PLCE1: variants seen among roughly 807,000 people sequenced by gnomAD.
PLCE1 encodes the protein phospholipase C epsilon 1.
PLCE1 carries 119 observed loss-of-function variants against 242.8 expected under a neutral mutation model. The observed-to-expected ratio is 0.49, with a 90% CI of 0.42 to 0.57. PLCE1 has a LOEUF of 0.57. PLCE1 is among the 20% of genes least tolerant of loss of function. The probability of loss-of-function intolerance (pLI) is 0.00; values close to 1 mark genes in which losing one functional copy is unlikely to be tolerated. For missense variants in PLCE1, 2,441 were observed against 2,788.8 expected, an observed-to-expected ratio of 0.88 and a Z score of 2.81; for synonymous variants, 945 against 1,017.4, an observed-to-expected ratio of 0.93 and a Z score of 1.35.
intron 3 of PLCE1, among the ~76,000 whole-genome samples, chr10:94,141,171 T>C (rs868169695): frequency 6.6e-5 from 10 of 152,344 alleles, no homozygotes; most frequent in Admixed American, 2.0e-4. Flanking sequence ...AAACCTGTTT[T>C]AGGACCACAG....
intron 2 of PLCE1, among the ~76,000 whole-genome samples, chr10:94,121,451 G>A (rs1034885346): frequency 2.0e-5 from 3 of 152,180 alleles, no homozygotes; most frequent in African/African-American, 4.8e-5. Flanking sequence ...GCTTTTGGGG[G>A]TAGGAAGTTA....
chr10:94,231,954 G>A (rs1016769102), intron 5 of PLCE1, among the ~76,000 whole-genome samples: 1 of 152,208 alleles, frequency 6.6e-6, no homozygotes, highest in African/African-American at 2.4e-5. Context: ...CGGCCCAGGG[G>A]TGGGGACCCC....
At chr10:94,002,325 C>T (rs1006591508) in intron 1 of PLCE1, among the ~76,000 whole-genome samples, 1 of 152,102 alleles carries the variant, frequency 6.6e-6, no homozygotes. Flanking sequence ...ATGGTCCGGG[C>T]GTCTCTAATG....
At chr10:94,205,385 A>T (rs2049125796) in intron 4 of PLCE1, among the ~76,000 whole-genome samples, 1 of 152,242 alleles carries the variant, frequency 6.6e-6, no homozygotes, top group South Asian at 2.1e-4. Flanking sequence ...TCAATATTAA[A>T]GATTAAACCA....
intron 19 of PLCE1, among the ~76,000 whole-genome samples, chr10:94,274,835 A>G (rs925632716): frequency 5.9e-5 from 9 of 152,046 alleles, no homozygotes; most frequent in Non-Finnish European, 1.3e-4. Context: ...TTCAGAGGCC[A>G]TGGCACCTAT....
At chr10:94,189,675 A>G (rs11187808) in intron 4 of PLCE1, among the ~76,000 whole-genome samples, 54,302 of 151,998 alleles carry the variant, frequency 0.36, 11,140 homozygotes, top group East Asian at 0.56. Context: ...TAAGGGAAAA[A>G]TGGCTCCCAG....
At chr10:94,179,523 T>TGTTTG (rs1427507455) in intron 4 of PLCE1, among the ~76,000 whole-genome samples, 3 of 40,926 alleles carry the variant, frequency 7.3e-5, no homozygotes, top group Non-Finnish European at 1.1e-4. Context: ...TTTTTTTTTT[T>TGTTTG]TTTTTTTGAC....
At chr10:94,319,653 T>G (rs2053706629) in intron 29 of PLCE1, among the ~76,000 whole-genome samples, 1 of 152,138 alleles carries the variant, frequency 6.6e-6, no homozygotes, top group Non-Finnish European at 1.5e-5. Flanking sequence ...ACTGCCCTAA[T>G]TTGTAAAATC....
At chr10:94,325,733 T>C (rs1325568896) in intron 32 of PLCE1, 1 of 152,258 alleles carries the variant, frequency 6.6e-6, no homozygotes, top group Non-Finnish European at 1.5e-5. Context: ...TCTGATAGCC[T>C]TATTTCATCA....
At chr10:94,007,489 A>G (rs2061060754) in intron 1 of PLCE1, among the ~76,000 whole-genome samples, 2 of 152,082 alleles carry the variant, frequency 1.3e-5, no homozygotes, top group South Asian at 4.2e-4. Context: ...AAAGTTCTGC[A>G]GGATGAAAAG....
At chr10:94,192,941 G>C (rs1181833605) in intron 4 of PLCE1, among the ~76,000 whole-genome samples, 2 of 152,240 alleles carry the variant, frequency 1.3e-5, no homozygotes, top group East Asian at 1.9e-4. Flanking sequence ...TTTGCGATAG[G>C]TGAAAATTAT....
chr10:94,121,335 G>T (rs1429508987), intron 2 of PLCE1, among the ~76,000 whole-genome samples: 6 of 152,194 alleles, frequency 3.9e-5, no homozygotes, highest in Non-Finnish European at 7.3e-5. Context: ...TCAACAAGGG[G>T]AGCTGAGTGG....
chr10:94,053,672 G>A (rs2043826723), intron 2 of PLCE1, among the ~76,000 whole-genome samples: 1 of 152,194 alleles, frequency 6.6e-6, no homozygotes, highest in African/African-American at 2.4e-5. Flanking sequence ...TTGCTCCAGA[G>A]TGAGGTCTCT....
chr10:94,059,173 C>T (rs542801990), intron 2 of PLCE1, among the ~76,000 whole-genome samples: 1 of 152,270 alleles, frequency 6.6e-6, no homozygotes, highest in South Asian at 2.1e-4. Flanking sequence ...CATTGAATGA[C>T]TTGGGGCTAA....
At chr10:94,264,512 ATTTTTT>A (rs59860171) in intron 14 of PLCE1, among the ~76,000 whole-genome samples, 1,183 of 73,058 alleles carry the variant, frequency 0.016, 14 homozygotes, top group African/African-American at 0.043. Context: ...ACATGATTTG[ATTTTTT>A]TTTTTTTTTT....
intron 2 of PLCE1, chr10:94,104,443 A>T (rs1379642440): frequency 6.6e-6 from 1 of 152,192 alleles, no homozygotes; most frequent in Non-Finnish European, 1.5e-5. Flanking sequence ...CCTGAAGTTC[A>T]TGTATCCCAT....
intron 28 of PLCE1, among the ~76,000 whole-genome samples, chr10:94,315,787 AAAAG>A (rs1226919306): frequency 6.9e-6 from 1 of 145,910 alleles, no homozygotes; most frequent in African/African-American, 2.6e-5. Context: ...AAAAAAAAAA[AAAAG>A]TAACTATAAT....
intron 2 of PLCE1, chr10:94,107,299 G>C (rs1404112089): frequency 6.6e-6 from 1 of 152,152 alleles, no homozygotes; most frequent in Non-Finnish European, 1.5e-5. Context: ...GAAAAAGGAA[G>C]ATAAAGGCAA....
At chr10:94,013,142 T>C (rs769032863) in intron 1 of PLCE1, among the ~76,000 whole-genome samples, 6 of 152,228 alleles carry the variant, frequency 3.9e-5, no homozygotes, top group Non-Finnish European at 7.3e-5. Flanking sequence ...TCCTGGCAGA[T>C]CCCTAACTTC....
Sources: allele counts gnomAD v4.1 joint callset (sites outside exome capture counted in the v4.1 genomes callset), GRCh38; gene constraint gnomAD v4.1.1; transcripts MANE v1.5; gene names NCBI Gene and HGNC (gene_info 2026-07-23, HGNC 2026-07-21).